Variants in RHO observed in about 807,000 individuals in gnomAD.
The protein encoded by RHO is rhodopsin.
In RHO, 21 loss-of-function variants were observed where a neutral mutation model predicts 31.2. That is an observed-to-expected ratio of 0.67 (90% CI 0.48 to 0.97). RHO has a LOEUF of 0.97. RHO is among the 50% of genes least tolerant of loss of function. RHO has a pLI of 0.00. For synonymous variants in RHO, 211 were observed against 196.6 expected (o/e 1.07, Z -0.61); for missense variants, 414 against 479.5 (o/e 0.86, Z 1.28).
At position 129,529,021 on chromosome 3, in the gene RHO, C is replaced by T. The variant is rs761338278; in HGVS notation, c.288C>T (p.Tyr96=). ...MVLGGFTSTL[Y]TSLHGYFVFG... is the part of the protein sequence containing the mutation. ...TAGGTGGCTTCACCAGCACCCTCTA[C>T]ACCTCTCTGCATGGATACTTCGTCT... is the stretch of plus-strand genomic sequence containing the variant. Residue 96 remains tyrosine, a synonymous_variant, in exon 1 of 5, where the codon TAC becomes TAT. Coordinates refer to ENST00000296271, the MANE Select transcript of RHO (RefSeq NM_000539.3). The T allele has an allele frequency of 9.3e-6, 15 of 1,614,240 alleles. No individual in the cohort carries two copies. In the East Asian group the frequency reaches 1.3e-4, roughly 14 times the overall value.
rs752455127 is a variant in RHO at position 129,533,623 on chromosome 3, C to G, written c.952C>G (p.Leu318Val). 6.2e-7 allele frequency: 1 copy of G among 1,613,946 alleles called. No homozygotes were observed. The highest frequency in any genetic ancestry group is 1.1e-5 in the South Asian group (1 of 91,086). The part of the protein sequence containing the change: ...MMNKQFRNCM[L>V]TTICCGKNPL... The stretch of plus-strand genomic sequence containing the variant: ...TGCCTTCCAGTTCCGGAACTGCATG[C>G]TCACCACCATCTGCTGCGGCAAGAA... The change falls in exon 5 of 5, where the codon CTC (leucine) becomes GTC (valine). Residue 318 changes from leucine (L) to valine (V), a missense_variant. Transcript: ENST00000296271.
intron 4 of RHO, among the ~76,000 whole-genome samples, chr3:129,533,130 TA>T (rs1307277111): frequency 6.6e-6 from 1 of 151,990 alleles, no homozygotes; most frequent in Non-Finnish European, 1.5e-5. Context: ...AATAAGGAGC[TA>T]AAAAGTCTTA....
In RHO at chr3:129,533,797, G is replaced by A. The variant is rs2108750847; in HGVS notation, c.*79G>A. ...TCCCCCAGCCACAGCCATCCCACCA[G>A]GAGCAGCGCCTGTGCAGAATGAACG... On this transcript the variant is annotated 3_prime_UTR_variant, in exon 5 of 5. Transcript: ENST00000296271. The A allele has an allele frequency of 3.0e-6, 3 of 998,360 alleles. No homozygotes were observed. The highest frequency in any genetic ancestry group is 4.8e-5 in the East Asian group (2 of 42,022). The allele number at this position is 998,360 out of a possible 1,614,324, so 61.8% of individuals were successfully genotyped here.
In RHO at chr3:129,532,002, C is replaced by T. The variant is rs199573532; in HGVS notation, c.531-249C>T. Among the ~76,000 whole-genome samples, 101 of 152,304 alleles carry T rather than the reference C, an allele frequency of 6.6e-4. No homozygotes were observed. The East Asian group carries it at 0.018, about 28-fold the overall frequency. ...GCGGGCAGTGGATGCTGGGGCTGGG[C>T]ATGCAGGGAGAGGCTGGGTGGTGTC... is the stretch of plus-strand genomic sequence containing the variant. On this transcript the variant is annotated intron_variant, in intron 2 of 4. Coordinates refer to ENST00000296271, the MANE Select transcript of RHO (RefSeq NM_000539.3). This position sits in a 1 kb window ranked among gnomAD's most constrained non-coding sequence, Gnocchi z 5.5.
At chr3:129,531,122 T>C (rs2084776886) in intron 2 of RHO, 78 bp downstream of exon 2, 3 of 1,550,046 alleles carry the variant, frequency 1.9e-6, no homozygotes, top group Non-Finnish European at 2.6e-6. Context: ...AACCCAGTAG[T>C]GTCTGGTTCC....
Position 129,532,812 on chromosome 3 carries a change from A to C in RHO, c.936+40A>C. ...TGGGAGGGCCCCAGTGCCCCAGGCCACAGGCGCTGCCTGCCAAGGACAAGC... is the reference window on the plus strand; with the variant it reads ...TGGGAGGGCCCCAGTGCCCCAGGCCCCAGGCGCTGCCTGCCAAGGACAAGC... On this transcript the variant is annotated intron_variant, in intron 4 of 4. Transcript: ENST00000296271. This position sits in a 1 kb window ranked among gnomAD's most constrained non-coding sequence, Gnocchi z 5.5. The C allele has an allele frequency of 6.2e-7, 1 of 1,612,100 alleles. No individual in the cohort carries two copies.
Position 129,533,942 on chromosome 3 carries a change from C to A in RHO, c.*224C>A. ...CAAGACCTACTGATCTGGAGTCCCA[C>A]GTTCCCCAAGGCCAGCGGGATGTGT... On this transcript the variant is annotated 3_prime_UTR_variant, in exon 5 of 5. Coordinates refer to ENST00000296271, the MANE Select transcript of RHO (RefSeq NM_000539.3). 1.9e-6 allele frequency: 1 copy of A among 516,912 alleles called. No individual in the cohort carries two copies. The highest frequency in any genetic ancestry group is 3.2e-5 in the East Asian group (1 of 31,114). The allele number at this position is 516,912 out of a possible 1,614,324, so 32.0% of individuals were successfully genotyped here.
At position 129,532,855 on chromosome 3, in the gene RHO, G is replaced by A; in HGVS notation, c.936+83G>A. Reference sequence around the variant, plus strand: ...GGACAAGCTACTTCCCAGGGCAGGGGAGGGGGCTCCATCAGGGTTACTGGC... The same window carrying A: ...GGACAAGCTACTTCCCAGGGCAGGGAAGGGGGCTCCATCAGGGTTACTGGC... On this transcript the variant is annotated intron_variant, in intron 4 of 4. Coordinates refer to ENST00000296271, the MANE Select transcript of RHO (RefSeq NM_000539.3). This position sits in a 1 kb window ranked among gnomAD's most constrained non-coding sequence, Gnocchi z 5.5. The A allele has an allele frequency of 1.3e-6, 2 of 1,580,684 alleles. No homozygotes were observed. The highest frequency in any genetic ancestry group is 1.7e-6 in the Non-Finnish European group (2 of 1,159,272).
At chr3:129,529,570 G>C (rs1364687022) in intron 1 of RHO, among the ~76,000 whole-genome samples, 2 of 152,182 alleles carry the variant, frequency 1.3e-5, no homozygotes, top group Non-Finnish European at 2.9e-5. Flanking sequence ...AGCTCAGGGT[G>C]GGAAGTGGAT....
rs768251138 is a variant in RHO, at chr3:129,529,092, G to A, written c.359G>A (p.Gly120Asp). The A allele has an allele frequency of 2.5e-6, 4 of 1,611,900 alleles. No individual in the cohort carries two copies. Among genetic ancestry groups the A allele is most frequent in the Non-Finnish European group, 3.4e-6 (4 of 1,178,928 alleles). The change falls in exon 1 of 5, where the codon GGC (glycine) becomes GAC (aspartate). Residue 120 changes from glycine to aspartate, a missense_variant and splice_region_variant. Gly to Asp is a moderately conservative substitution (Grantham distance 94). Coordinates refer to ENST00000296271, the MANE Select transcript of RHO (RefSeq NM_000539.3). ...CNLEGFFATL[G>D]GEIALWSLVV... ...TTGGAGGGCTTCTTTGCCACCCTGG[G>A]CGGTATGAGCCGGGTGTGGGTGGGG...
At position 129,530,885 on chromosome 3, in the gene RHO, C is replaced by T. The variant is rs895489077; in HGVS notation, c.371C>T (p.Ala124Val). ...GCTGACTGCCTTGCAGGTGAAATTGCCCTGTGGTCCTTGGTGGTCCTGGCC... is the reference window on the plus strand; with the variant it reads ...GCTGACTGCCTTGCAGGTGAAATTGTCCTGTGGTCCTTGGTGGTCCTGGCC... ...GFFATLGGEI[A>V]LWSLVVLAIE... Residue 124 changes from alanine to valine, a missense_variant, in exon 2 of 5, where the codon GCC becomes GTC. Ala to Val is a moderately conservative substitution (Grantham distance 64, BLOSUM62 0). Coordinates refer to ENST00000296271, the MANE Select transcript of RHO (RefSeq NM_000539.3). 1 of 1,614,140 alleles carries T rather than the reference C, an allele frequency of 6.2e-7. No individual in the cohort carries two copies. Among genetic ancestry groups the T allele is most frequent in the African/African-American group, 1.3e-5 (1 of 74,954 alleles).
At chr3:129,530,654 T>C (rs752830466) in intron 1 of RHO, among the ~76,000 whole-genome samples, 3 of 151,758 alleles carry the variant, frequency 2.0e-5, no homozygotes, top group Non-Finnish European at 4.4e-5. Context: ...AGCAAATAAC[T>C]TCCCCCATTC....
Position 129,528,835 on chromosome 3 carries a change from A to G in RHO, c.102A>G (p.Pro34=), listed in dbSNP as rs1186151173. 2.5e-6 allele frequency: 4 copies of G among 1,614,126 alleles called. No homozygotes were observed. Among genetic ancestry groups the G allele is most frequent in the Admixed American group, 3.3e-5 (2 of 60,010 alleles). ...FEYPQYYLAE[P]WQFSMLAAYM... is the part of the protein sequence containing the mutation. ...ACCCACAGTACTACCTGGCTGAGCC[A>G]TGGCAGTTCTCCATGCTGGCCGCCT... The change falls in exon 1 of 5, where the codon CCA becomes CCG. Residue 34 remains proline (P), a synonymous_variant. Transcript: ENST00000296271.
At chr3:129,531,928 C>G (rs1259524394) in intron 2 of RHO, among the ~76,000 whole-genome samples, 1 of 152,208 alleles carries the variant, frequency 6.6e-6, no homozygotes, top group African/African-American at 2.4e-5. Flanking sequence ...AGCCTGAGGG[C>G]TCTCCCCACC....
intron 1 of RHO, among the ~76,000 whole-genome samples, chr3:129,530,011 C>T (rs192461600): frequency 1.2e-3 from 176 of 152,314 alleles, no homozygotes; most frequent in African/African-American, 3.3e-3. Context: ...CAGCCACAAG[C>T]GTCTCTCTGC....
chr3:129,529,063 C>A lies in RHO; in HGVS notation c.330C>A (p.Cys110Ter). The change falls in exon 1 of 5, where the codon TGC becomes TGA. Residue 110 changes from cysteine (C) to a stop codon, truncating the protein, a stop_gained. Coordinates refer to ENST00000296271, the MANE Select transcript of RHO (RefSeq NM_000539.3). LOFTEE classifies it high-confidence loss of function. ...HGYFVFGPTG[C>*]NLEGFFATLG... ...ACTTCGTCTTCGGGCCCACAGGATGCAATTTGGAGGGCTTCTTTGCCACCC... is the reference window on the plus strand; with the variant it reads ...ACTTCGTCTTCGGGCCCACAGGATGAAATTTGGAGGGCTTCTTTGCCACCC... 6.2e-7 allele frequency: 1 copy of A among 1,613,364 alleles called. No homozygotes were observed. The highest frequency in any genetic ancestry group is 8.5e-7 in the Non-Finnish European group (1 of 1,179,386).
At position 129,532,464 on chromosome 3, in the gene RHO, C is replaced by T. The variant is rs1236436231; in HGVS notation, c.696+48C>T. ...CCTCACGGCTCTGAGGGTCCAGCCCCCAGCATGCATCTGCGGCTCCTGCTC... is the reference window on the plus strand; with the variant it reads ...CCTCACGGCTCTGAGGGTCCAGCCCTCAGCATGCATCTGCGGCTCCTGCTC... On this transcript the variant is annotated intron_variant, in intron 3 of 4. Transcript: ENST00000296271. This position sits in a 1 kb window ranked among gnomAD's most constrained non-coding sequence, Gnocchi z 5.5. The T allele has an allele frequency of 1.2e-6, 2 of 1,613,716 alleles. No individual in the cohort carries two copies. The highest frequency in any genetic ancestry group is 1.7e-5 in the Admixed American group (1 of 60,002).
Position 129,532,505 on chromosome 3 carries a change from G to T in RHO, c.697-28G>T, listed in dbSNP as rs1335310386. The stretch of plus-strand genomic sequence containing the variant: ...GCTCCTGCTCCCTGGAGGAGCCATG[G>T]TCTGGACCCGGGTCCCGTGTCCTGC... On this transcript the variant is annotated intron_variant, in intron 3 of 4. Coordinates refer to ENST00000296271, the MANE Select transcript of RHO (RefSeq NM_000539.3). The surrounding 1 kb of genome is among the most constrained non-coding windows in gnomAD (Gnocchi z 5.5). The T allele has an allele frequency of 1.2e-6, 2 of 1,613,892 alleles. No individual in the cohort carries two copies. Among genetic ancestry groups the T allele is most frequent in the African/African-American group, 2.7e-5 (2 of 75,040 alleles).
Position 129,534,133 on chromosome 3 carries a change from G to C in RHO, c.*415G>C, listed in dbSNP as rs1377314852. The C allele has an allele frequency of 1.6e-5, 3 of 189,666 alleles. No individual in the cohort carries two copies. The highest frequency in any genetic ancestry group is 1.1e-4 in the Admixed American group (2 of 18,754). 11.7% of individuals were successfully genotyped at this position (189,666 alleles called of 1,614,324 possible). On this transcript the variant is annotated 3_prime_UTR_variant, in exon 5 of 5. Coordinates refer to ENST00000296271, the MANE Select transcript of RHO (RefSeq NM_000539.3). ...GAATGGAGGAATGAATGGGAAGGGA[G>C]AACATATCTATCCTCTCAGACCCTC...
Sources: gnomAD v4.1 joint callset for allele counts (sites outside exome capture counted in the v4.1 genomes callset) on GRCh38, gnomAD v4.1.1 for gene constraint, Gnocchi (gnomAD v3.1) non-coding constraint, MANE v1.5 for transcripts, NCBI Gene and HGNC (gene_info 2026-07-23, HGNC 2026-07-21) for gene names.